SCUBE1: variants seen among roughly 807,000 people sequenced by gnomAD.
SCUBE1 encodes the protein signal peptide, CUB and EGF-like domain-containing protein 1.
A neutral mutation model predicts 124.4 loss-of-function variants in SCUBE1; 59 were observed. The ratio of observed to expected loss-of-function variants is 0.47; its 90% CI spans 0.38 to 0.59. The LOEUF (loss-of-function observed/expected upper bound fraction) is 0.59. Among genes scored for constraint, SCUBE1 ranks in the 20% least tolerant of loss-of-function variants. The pLI, the probability that SCUBE1 is intolerant of heterozygous loss-of-function variation, is 0.00. For synonymous variants in SCUBE1, 545 were observed against 550.9 expected, an observed-to-expected ratio of 0.99 and a Z score of 0.15; for missense variants, 1,150 against 1,371.2, an observed-to-expected ratio of 0.84 and a Z score of 2.55.
At chr22:43,230,921 C>G (rs1379409441) in intron 8 of SCUBE1, among the ~76,000 whole-genome samples, 1 of 152,212 alleles carries the variant, frequency 6.6e-6, no homozygotes, top group Non-Finnish European at 1.5e-5. Flanking sequence ...GGTACCCAGA[C>G]AAGGCCACAT....
chr22:43,268,599 C>T (rs946460430), intron 4 of SCUBE1, among the ~76,000 whole-genome samples: 6 of 152,268 alleles, frequency 3.9e-5, no homozygotes, highest in African/African-American at 1.4e-4. Flanking sequence ...CACATTCAGG[C>T]TGCCACTTGC....
chr22:43,214,135 C>T lies in SCUBE1; in HGVS notation c.2008G>A (p.Asp670Asn), dbSNP rs112890946. The T allele has an allele frequency of 3.4e-4, 553 of 1,609,254 alleles. 3 individuals carry two copies. The East Asian group carries it at 0.011, about 31-fold the overall frequency. ...CGGGCACCAGGCAGACCAAGCCCGT[C>T]GCTGCTGGGGCACGGTGTGCAACTG... ...QLSCTPCPSS[D>N]GLGLPGARNV... The change falls in exon 16 of 22, where the codon GAC (aspartate) becomes AAC (asparagine). Residue 670 changes from aspartate (D) to asparagine (N), a missense_variant. Asp to Asn is a conservative substitution (Grantham distance 23). This residue lies in a region of SCUBE1 where 757 missense variants were observed against 840.9 expected (regional missense o/e 0.90). Transcript: ENST00000360835.
chr22:43,266,462 T>C (rs5759238), intron 4 of SCUBE1, among the ~76,000 whole-genome samples: 71,137 of 152,100 alleles, frequency 0.47, 19,359 homozygotes, highest in East Asian at 0.97. Flanking sequence ...ACACTGGCTT[T>C]TGGAGGCCAC....
chr22:43,336,674 C>A (rs1374224148), intron 2 of SCUBE1, among the ~76,000 whole-genome samples: 1 of 152,058 alleles, frequency 6.6e-6, no homozygotes, highest in South Asian at 2.1e-4. Context: ...GACCTAGAGT[C>A]AGAAGTGTGA....
chr22:43,304,498 G>C (rs1027147045), intron 3 of SCUBE1, among the ~76,000 whole-genome samples: 3 of 149,392 alleles, frequency 2.0e-5, no homozygotes, highest in African/African-American at 7.5e-5. Flanking sequence ...GCAGGAACAG[G>C]CAGGCTGAAC....
chr22:43,320,109 T>C (rs1262652424), intron 2 of SCUBE1, 44 bp from the exon 3 acceptor site: 12 of 1,610,704 alleles, frequency 7.5e-6, no homozygotes, highest in Admixed American at 1.7e-5. Flanking sequence ...AAGAGCCTGG[T>C]GGTCCCCTCT....
intron 4 of SCUBE1, among the ~76,000 whole-genome samples, chr22:43,290,004 G>A (rs1435704513): frequency 6.6e-6 from 1 of 152,182 alleles, no homozygotes; most frequent in African/African-American, 2.4e-5. Flanking sequence ...CAATGGGGGC[G>A]TGCCTGAACT....
At chr22:43,221,074 G>T in intron 13 of SCUBE1, 99 bp downstream of exon 13, 1 of 806,470 alleles carries the variant, frequency 1.2e-6, no homozygotes. Context: ...CTCCACCCTT[G>T]GAAACCAGAC....
At chr22:43,246,881 G>A (rs146248957) in intron 6 of SCUBE1, among the ~76,000 whole-genome samples, 551 of 151,918 alleles carry the variant, frequency 3.6e-3, no homozygotes, top group Middle Eastern at 0.014. Flanking sequence ...GGATGGGGGC[G>A]GGGCAGGGAG....
At chr22:43,336,448 G>A (rs566033555) in intron 2 of SCUBE1, among the ~76,000 whole-genome samples, 1 of 152,336 alleles carries the variant, frequency 6.6e-6, no homozygotes, top group African/African-American at 2.4e-5. Context: ...CAGACTAAAT[G>A]TTTTCTGCAG....
At chr22:43,336,431 GCCAA>G (rs1348047350) in intron 2 of SCUBE1, among the ~76,000 whole-genome samples, 3 of 152,214 alleles carry the variant, frequency 2.0e-5, no homozygotes, top group Admixed American at 6.5e-5. Flanking sequence ...GCAAAGGAGA[GCCAA>G]CTCAGACTAA....
intron 3 of SCUBE1, among the ~76,000 whole-genome samples, chr22:43,295,700 C>T (rs925605452): frequency 6.6e-6 from 1 of 152,260 alleles, no homozygotes; most frequent in Non-Finnish European, 1.5e-5. Context: ...CTGGAACTGC[C>T]TCCCCTCCTT....
chr22:43,291,295 G>T, intron 3 of SCUBE1, 115 bp from the exon 4 acceptor site: 7 of 1,167,462 alleles, frequency 6.0e-6, no homozygotes, highest in Non-Finnish European at 8.6e-6. Flanking sequence ...TGAAGGGAGG[G>T]ACTCCAGAGA....
At chr22:43,277,948 C>T (rs1325548476) in intron 4 of SCUBE1, among the ~76,000 whole-genome samples, 3 of 152,250 alleles carry the variant, frequency 2.0e-5, no homozygotes, top group Non-Finnish European at 2.9e-5. Flanking sequence ...CTGCCCTGCA[C>T]CCACAACTCT....
intron 7 of SCUBE1, 26 bp downstream of exon 7, chr22:43,238,812 G>A (rs762785549): frequency 6.3e-7 from 1 of 1,577,474 alleles, no homozygotes; most frequent in South Asian, 1.1e-5. Flanking sequence ...ACAGGCAGGG[G>A]CACCCACACA....
chr22:43,271,946 CAA>C (rs1380367710), intron 4 of SCUBE1, among the ~76,000 whole-genome samples: 1 of 152,200 alleles, frequency 6.6e-6, no homozygotes, highest in Non-Finnish European at 1.5e-5. Flanking sequence ...TTAGACAGAT[CAA>C]GAGACTTGCC....
At chr22:43,285,642 G>A (rs1601859898) in intron 4 of SCUBE1, among the ~76,000 whole-genome samples, 1 of 152,190 alleles carries the variant, frequency 6.6e-6, no homozygotes, top group South Asian at 2.1e-4. Context: ...CTCTCACAGG[G>A]GACTAAGTGC....
chr22:43,212,924 T>A (rs1921632440), intron 16 of SCUBE1, among the ~76,000 whole-genome samples: 1 of 152,060 alleles, frequency 6.6e-6, no homozygotes, highest in African/African-American at 2.4e-5. Flanking sequence ...GTCACGTGTC[T>A]CAGAGGGGCT....
At chr22:43,273,810 C>T (rs1207742628) in intron 4 of SCUBE1, among the ~76,000 whole-genome samples, 1 of 151,880 alleles carries the variant, frequency 6.6e-6, no homozygotes, top group Non-Finnish European at 1.5e-5. Flanking sequence ...TGGGCTCAAG[C>T]GATCCTCCCA....
Sources: allele counts gnomAD v4.1 joint callset (sites outside exome capture counted in the v4.1 genomes callset), GRCh38; gene constraint gnomAD v4.1.1; regional missense constraint gnomAD v4.1.1; transcripts MANE v1.5; gene names NCBI Gene and HGNC (gene_info 2026-07-23, HGNC 2026-07-21).